Variants in SLC4A1AP observed in about 807,000 individuals in gnomAD.
The protein encoded by SLC4A1AP is solute carrier family 4 member 1 adaptor protein, also known as kanadaptin.
A neutral mutation model predicts 89.7 loss-of-function variants in SLC4A1AP; 64 were observed. The ratio of observed to expected loss-of-function variants is 0.71; its 90% CI spans 0.58 to 0.88. The LOEUF (loss-of-function observed/expected upper bound fraction) is 0.88, where lower values mean the gene tolerates loss of function less well. Among genes scored for constraint, SLC4A1AP ranks in the 40% least tolerant of loss-of-function variants. The pLI is 0.00. For synonymous variants in SLC4A1AP, 366 were observed against 353.3 expected, an observed-to-expected ratio of 1.04 and a Z score of -0.40; for missense variants, 931 against 965.0, an observed-to-expected ratio of 0.96 and a Z score of 0.47.
chr2:27,681,633 CCT>C (rs1675621399), intron 8 of SLC4A1AP, among the ~76,000 whole-genome samples: 1 of 152,054 alleles, frequency 6.6e-6, no homozygotes, highest in African/African-American at 2.4e-5. Context: ...CTGTTCTCCC[CCT>C]GCCTTTCTAA....
intron 2 of SLC4A1AP, among the ~76,000 whole-genome samples, chr2:27,666,657 A>G (rs1675331821): frequency 6.6e-6 from 1 of 151,968 alleles, no homozygotes; most frequent in Non-Finnish European, 1.5e-5. Context: ...GAGGAGCTCA[A>G]ATTTTTTTTC....
At chr2:27,678,809 C>T (rs1370930134) in intron 8 of SLC4A1AP, among the ~76,000 whole-genome samples, 1 of 151,380 alleles carries the variant, frequency 6.6e-6, no homozygotes, top group African/African-American at 2.4e-5. Context: ...GCCTTGACCT[C>T]CTGGGATCAA....
At chr2:27,682,290 G>T in exon 9 of SLC4A1AP, 1 of 1,613,796 alleles carries the variant, frequency 6.2e-7, no homozygotes, top group Non-Finnish European at 8.5e-7. Flanking sequence ...AAGCTAAAAA[G>T]CTTACATTGC....
At chr2:27,688,848 G>T in intron 12 of SLC4A1AP, 81 bp downstream of exon 12, 2 of 1,042,696 alleles carry the variant, frequency 1.9e-6, no homozygotes, top group South Asian at 3.0e-5. Flanking sequence ...TTTGGAGACT[G>T]ACTTAACAGA....
intron 9 of SLC4A1AP, among the ~76,000 whole-genome samples, chr2:27,682,644 C>T (rs150285103): frequency 0.013 from 1,929 of 151,802 alleles, 23 homozygotes; most frequent in African/African-American, 0.031. Flanking sequence ...CCTGCCTCAG[C>T]CTCTCGAGTA....
exon 10 of SLC4A1AP, chr2:27,685,059 A>T: frequency 6.2e-7 from 1 of 1,610,780 alleles, no homozygotes. Context: ...AAGCGTCCAG[A>T]ACTCCCTCCA....
chr2:27,688,930 T>C (rs760392337), intron 12 of SLC4A1AP, among the ~76,000 whole-genome samples, 163 bp downstream of exon 12: 2 of 152,214 alleles, frequency 1.3e-5, no homozygotes, highest in Non-Finnish European at 2.9e-5. Flanking sequence ...TTTTCTGTTG[T>C]CTTTATCACT....
At chr2:27,676,646 A>AC (rs1177986795) in intron 6 of SLC4A1AP, among the ~76,000 whole-genome samples, 1 of 151,216 alleles carries the variant, frequency 6.6e-6, no homozygotes, top group African/African-American at 2.4e-5. Flanking sequence ...ATGTGGTGAA[A>AC]CCCCACCTCT....
At chr2:27,675,124 G>A (rs148271937) in intron 5 of SLC4A1AP, among the ~76,000 whole-genome samples, 1 of 152,178 alleles carries the variant, frequency 6.6e-6, no homozygotes, top group East Asian at 1.9e-4. Context: ...CATTTTAAGA[G>A]TATCACTCAG....
At chr2:27,672,600 C>G (rs1372774173) in intron 5 of SLC4A1AP, among the ~76,000 whole-genome samples, 1 of 152,010 alleles carries the variant, frequency 6.6e-6, no homozygotes, top group African/African-American at 2.4e-5. Flanking sequence ...GGTCTCTGTT[C>G]TGCATGTTAA....
At chr2:27,669,142 C>G in intron 4 of SLC4A1AP, 106 bp from the exon 5 acceptor site, 1 of 1,245,018 alleles carries the variant, frequency 8.0e-7, no homozygotes, top group Non-Finnish European at 1.1e-6. Flanking sequence ...GATTCAAAGA[C>G]TGAAAGGCCA....
At chr2:27,686,570 G>A (rs1308812670) in intron 10 of SLC4A1AP, among the ~76,000 whole-genome samples, 3 of 152,160 alleles carry the variant, frequency 2.0e-5, no homozygotes, top group Non-Finnish European at 4.4e-5. Flanking sequence ...TTCGAGACCA[G>A]GCTGGCCAAT....
At chr2:27,682,719 T>A (rs1362028053) in intron 9 of SLC4A1AP, among the ~76,000 whole-genome samples, 2 of 152,076 alleles carry the variant, frequency 1.3e-5, no homozygotes, top group Non-Finnish European at 2.9e-5. Context: ...GGATGGGACT[T>A]CACCATGTTG....
At chr2:27,691,258 C>T (rs544865629) in intron 12 of SLC4A1AP, among the ~76,000 whole-genome samples, 1 of 151,842 alleles carries the variant, frequency 6.6e-6, no homozygotes, top group African/African-American at 2.4e-5. Flanking sequence ...CTGTTTCTTC[C>T]TGATTCAGTC....
chr2:27,682,207 A>G, intron 8 of SLC4A1AP, 41 bp from the exon 9 acceptor site: 1 of 1,319,666 alleles, frequency 7.6e-7, no homozygotes, highest in Non-Finnish European at 1.1e-6. Flanking sequence ...AAACCTTGGG[A>G]CTCCCTGGAA....
At chr2:27,665,015 C>G (rs1675285961) in intron 1 of SLC4A1AP, 85 bp from the exon 2 acceptor site, 1 of 1,048,634 alleles carries the variant, frequency 9.5e-7, no homozygotes, top group Non-Finnish European at 1.4e-6. Flanking sequence ...TGTATTACAG[C>G]CACTGCACTC....
intron 5 of SLC4A1AP, among the ~76,000 whole-genome samples, chr2:27,673,873 T>C (rs1321178792): frequency 2.6e-5 from 4 of 152,068 alleles, no homozygotes; most frequent in Non-Finnish European, 5.9e-5. Flanking sequence ...CTGGGAAGAA[T>C]AGCTCAGGAT....
chr2:27,694,510 ATTTCTACCG>A, intron 13 of SLC4A1AP, 115 bp from the exon 14 acceptor site: 1 of 574,060 alleles, frequency 1.7e-6, no homozygotes, highest in Non-Finnish European at 2.8e-6. Context: ...AAAAAGTAAA[ATTTCTACCG>A]TAGAATAAAC....
At chr2:27,665,786 A>G (rs1367977555) in intron 2 of SLC4A1AP, among the ~76,000 whole-genome samples, 1 of 152,254 alleles carries the variant, frequency 6.6e-6, no homozygotes, top group African/African-American at 2.4e-5. Context: ...TTAACACCAG[A>G]TATTTTAGAA....
Sources: allele counts gnomAD v4.1 joint callset (sites outside exome capture counted in the v4.1 genomes callset), GRCh38; gene constraint gnomAD v4.1.1; transcripts MANE v1.5; gene names NCBI Gene and HGNC (gene_info 2026-07-23, HGNC 2026-07-21).